Variants in GALNTL6 observed in about 807,000 individuals in gnomAD.
GALNTL6 encodes the protein polypeptide N-acetylgalactosaminyltransferase-like 6.
Under a neutral mutation model 73.7 loss-of-function variants are expected in GALNTL6, and 46 were observed. The observed-to-expected ratio is 0.62, with a 90% CI of 0.49 to 0.80. The LOEUF is 0.80. Ranked by LOEUF, GALNTL6 falls within the 30% of genes least tolerant of loss-of-function variation. The pLI, the probability that GALNTL6 is intolerant of heterozygous loss-of-function variation, is 0.00. For synonymous variants in GALNTL6, 259 were observed against 263.7 expected, an observed-to-expected ratio of 0.98 and a Z score of 0.17; for missense variants, 604 against 755.0, an observed-to-expected ratio of 0.80 and a Z score of 2.34.
At chr4:172,065,715 C>T (rs1270898997) in intron 2 of GALNTL6, among the ~76,000 whole-genome samples, 1 of 152,110 alleles carries the variant, frequency 6.6e-6, no homozygotes, top group Non-Finnish European at 1.5e-5. Flanking sequence ...CAGACATTGG[C>T]TAATTTATAA....
intron 2 of GALNTL6, among the ~76,000 whole-genome samples, chr4:172,206,805 G>GTTTTTTTTTTTTTTTTTTTTTTTTTTT (rs778156050): frequency 7.6e-5 from 2 of 26,170 alleles, no homozygotes; most frequent in African/African-American, 1.9e-4. Context: ...TTGTTTTTCT[G>GTTTTTTTTTTTTTTTTTTTTTTTTTTT]TTTTTTTTGT....
intron 2 of GALNTL6, among the ~76,000 whole-genome samples, chr4:172,041,033 G>A (rs1471247930): frequency 6.6e-6 from 1 of 152,010 alleles, no homozygotes; most frequent in African/African-American, 2.4e-5. Context: ...GTTCACAATG[G>A]CATTATTAAA....
chr4:172,032,176 A>G (rs2110822558), intron 2 of GALNTL6, among the ~76,000 whole-genome samples: 1 of 152,246 alleles, frequency 6.6e-6, no homozygotes, highest in East Asian at 1.9e-4. Context: ...TGTTTCATAC[A>G]ATCTTATCCA....
intron 2 of GALNTL6, among the ~76,000 whole-genome samples, chr4:171,989,395 T>C (rs1416668409): frequency 2.6e-5 from 4 of 152,140 alleles, no homozygotes; most frequent in Non-Finnish European, 5.9e-5. Flanking sequence ...TTGAACAGTC[T>C]GATTTTCAAT....
intron 2 of GALNTL6, among the ~76,000 whole-genome samples, chr4:172,229,285 C>G (rs1736972566): frequency 6.6e-6 from 1 of 152,030 alleles, no homozygotes; most frequent in Non-Finnish European, 1.5e-5. Context: ...AAAACTGTAC[C>G]AATCAAAACA....
At chr4:172,104,359 T>A (rs1269384964) in intron 2 of GALNTL6, among the ~76,000 whole-genome samples, 1 of 152,094 alleles carries the variant, frequency 6.6e-6, no homozygotes, top group Non-Finnish European at 1.5e-5. Flanking sequence ...TAAGAGGACT[T>A]GGTAGTTAAC....
intron 5 of GALNTL6, among the ~76,000 whole-genome samples, chr4:172,796,301 C>A (rs745522982): frequency 3.9e-5 from 6 of 152,060 alleles, no homozygotes; most frequent in Non-Finnish European, 5.9e-5. Flanking sequence ...TGAGTACTTA[C>A]AATATTCCAG....
chr4:172,083,937 C>T (rs1363033685), intron 2 of GALNTL6, among the ~76,000 whole-genome samples: 6 of 152,184 alleles, frequency 3.9e-5, no homozygotes, highest in Admixed American at 2.0e-4. Flanking sequence ...GAGGAGTAAG[C>T]GTGTTAAGCT....
At chr4:171,928,931 TTAAG>T (rs1219379645) in intron 2 of GALNTL6, among the ~76,000 whole-genome samples, 1 of 152,180 alleles carries the variant, frequency 6.6e-6, no homozygotes, top group Non-Finnish European at 1.5e-5. Flanking sequence ...TGTATTCCCA[TTAAG>T]TGACACATGG....
intron 3 of GALNTL6, among the ~76,000 whole-genome samples, chr4:172,235,294 ACCTGCCGGGTTCAGGCGATTCT>A (rs1407919494): frequency 6.7e-6 from 1 of 148,744 alleles, no homozygotes; most frequent in Non-Finnish European, 1.5e-5. Flanking sequence ...TGCAACCTTC[ACCTGCCGGGTTCAGGCGATTCT>A]CCTGCCTCAG....
At chr4:171,857,685 A>T (rs1402466428) in intron 2 of GALNTL6, among the ~76,000 whole-genome samples, 1 of 152,202 alleles carries the variant, frequency 6.6e-6, no homozygotes, top group Non-Finnish European at 1.5e-5. Flanking sequence ...TAGAAGTATT[A>T]TGGCAAGAAT....
intron 2 of GALNTL6, among the ~76,000 whole-genome samples, chr4:171,965,196 A>G (rs1467401436): frequency 6.6e-6 from 1 of 152,218 alleles, no homozygotes; most frequent in Non-Finnish European, 1.5e-5. Flanking sequence ...GTTGAATCAA[A>G]TTGAACTAAA....
intron 2 of GALNTL6, among the ~76,000 whole-genome samples, chr4:172,016,260 T>G (rs1741190499): frequency 1.3e-5 from 2 of 152,090 alleles, no homozygotes; most frequent in Admixed American, 1.3e-4. Context: ...GTTCATTTTT[T>G]AAAATTCTTT....
intron 9 of GALNTL6, among the ~76,000 whole-genome samples, chr4:172,937,370 C>T (rs191251863): frequency 4.5e-4 from 68 of 152,140 alleles, no homozygotes; most frequent in African/African-American, 1.5e-3. Flanking sequence ...ATGAGCTTTC[C>T]ATCTCAGCAT....
intron 5 of GALNTL6, among the ~76,000 whole-genome samples, chr4:172,750,838 T>G (rs1737381396): frequency 6.6e-6 from 1 of 152,196 alleles, no homozygotes; most frequent in Non-Finnish European, 1.5e-5. Context: ...CTTTTTTCAT[T>G]TCTTTTGTTT....
chr4:172,061,351 C>T (rs1731194102), intron 2 of GALNTL6, among the ~76,000 whole-genome samples: 1 of 152,136 alleles, frequency 6.6e-6, no homozygotes, highest in Non-Finnish European at 1.5e-5. Flanking sequence ...AGAACAGATG[C>T]TTCACTGTCT....
At chr4:172,310,942 A>C (rs528320595) in intron 3 of GALNTL6, among the ~76,000 whole-genome samples, 1 of 152,230 alleles carries the variant, frequency 6.6e-6, no homozygotes, top group Non-Finnish European at 1.5e-5. Context: ...TGCTTGAACA[A>C]TCATTTCACA....
At chr4:172,542,769 C>T (rs1735610036) in intron 5 of GALNTL6, among the ~76,000 whole-genome samples, 1 of 152,046 alleles carries the variant, frequency 6.6e-6, no homozygotes, top group Admixed American at 6.6e-5. Flanking sequence ...CATTCCCAAC[C>T]CAGAAAACTT....
intron 7 of GALNTL6, among the ~76,000 whole-genome samples, chr4:172,866,500 A>G (rs1744670792): frequency 6.6e-6 from 1 of 152,218 alleles, no homozygotes; most frequent in Non-Finnish European, 1.5e-5. Context: ...AGACTGAGTT[A>G]AAACATGCAA....
Sources: allele counts gnomAD v4.1 joint callset (sites outside exome capture counted in the v4.1 genomes callset), GRCh38; gene constraint gnomAD v4.1.1; transcripts MANE v1.5; gene names NCBI Gene and HGNC (gene_info 2026-07-23, HGNC 2026-07-21).